Variants in TBX5 observed in about 807,000 individuals in gnomAD.
TBX5 encodes the protein T-box transcription factor 5, also known as T-box transcription factor TBX5.
TBX5 carries 8 observed loss-of-function variants against 51.1 expected under a neutral mutation model. The observed-to-expected ratio is 0.16, with a 90% confidence interval of 0.09 to 0.28. The LOEUF (loss-of-function observed/expected upper bound fraction) is 0.28. TBX5 is among the 10% of genes least tolerant of loss of function. The pLI is 1.00. For missense variants in TBX5, 589 were observed against 671.7 expected (o/e 0.88, Z 1.36); for synonymous variants, 302 against 266.4 (o/e 1.13, Z -1.30).
intron 6 of TBX5, 87 bp downstream of exon 6, chr12:114,394,654 G>C: frequency 6.3e-7 from 1 of 1,589,374 alleles, no homozygotes; most frequent in Non-Finnish European, 8.6e-7. Context: ...ATTCAGAGGA[G>C]CAAAGTTCCA....
chr12:114,399,387 C>G (rs1871647141), intron 4 of TBX5, 126 bp downstream of exon 4: 1 of 1,356,520 alleles, frequency 7.4e-7, no homozygotes, highest in Non-Finnish European at 1.0e-6. Flanking sequence ...GATAGGCGGA[C>G]AGACGCCTTT....
At chr12:114,367,061 C>T (rs1869578615) in intron 7 of TBX5, among the ~76,000 whole-genome samples, 1 of 151,920 alleles carries the variant, frequency 6.6e-6, no homozygotes, top group Non-Finnish European at 1.5e-5. Context: ...AATGAGTTAA[C>T]CATGAAAAGA....
intron 7 of TBX5, among the ~76,000 whole-genome samples, chr12:114,373,588 AG>A (rs1870036388): frequency 6.6e-6 from 1 of 152,130 alleles, no homozygotes; most frequent in African/African-American, 2.4e-5. Flanking sequence ...CCTCCCAAGT[AG>A]CTGGGACTGC....
intron 7 of TBX5, among the ~76,000 whole-genome samples, chr12:114,370,640 T>A (rs1302244236): frequency 1.3e-5 from 1 of 75,738 alleles, no homozygotes; most frequent in Non-Finnish European, 3.5e-5. Context: ...GATCTCTCCC[T>A]CTCTCTCTCT....
chr12:114,360,520 A>C (rs1170841554), intron 8 of TBX5, among the ~76,000 whole-genome samples: 2 of 142,830 alleles, frequency 1.4e-5, no homozygotes, highest in African/African-American at 5.3e-5. Flanking sequence ...GGGTGGGTTG[A>C]TGGATGAGTG....
intron 5 of TBX5, 71 bp downstream of exon 5, chr12:114,398,502 G>C: frequency 1.9e-6 from 3 of 1,570,842 alleles, no homozygotes; most frequent in Non-Finnish European, 2.6e-6. Flanking sequence ...AGAAGGGAGA[G>C]AAACCCAGTG....
At chr12:114,378,503 A>T (rs141580328) in intron 7 of TBX5, among the ~76,000 whole-genome samples, 1 of 152,204 alleles carries the variant, frequency 6.6e-6, no homozygotes, top group African/African-American at 2.4e-5. Context: ...TCTGGGCCAG[A>T]CACTGTGCTG....
chr12:114,403,676 C>A, intron 2 of TBX5, 76 bp downstream of exon 2: 1 of 1,579,194 alleles, frequency 6.3e-7, no homozygotes. Flanking sequence ...TCTGTCCCCG[C>A]AAGAGAAGCC....
intron 3 of TBX5, 129 bp from the exon 4 acceptor site, chr12:114,399,761 G>C: frequency 2.1e-6 from 3 of 1,439,040 alleles, no homozygotes; most frequent in Non-Finnish European, 2.9e-6. Context: ...GCCCCGTTCC[G>C]CTCTCCGCAA....
intron 5 of TBX5, among the ~76,000 whole-genome samples, chr12:114,398,026 C>T (rs1013106895): frequency 6.6e-6 from 1 of 152,188 alleles, no homozygotes; most frequent in Non-Finnish European, 1.5e-5. Flanking sequence ...ATATTTTCTG[C>T]AAGACTGAAA....
In TBX5 at chr12:114,370,288, GAAAGAAAAGAAAAGAAAAGAAAAGAAAGA is replaced by G. The variant is rs1869806784; in HGVS notation, c.756-3926_756-3898del. 3.3e-4 allele frequency among the ~76,000 whole-genome samples: 19 copies of G among 56,758 alleles called. 1 individual carries two copies. The highest frequency in any genetic ancestry group is 6.6e-4 in the Non-Finnish European group (15 of 22,628). The allele number at this position is 56,758 out of a possible 152,430, so 37.2% of individuals were successfully genotyped here. On this transcript the variant is annotated intron_variant, in intron 7 of 8. Coordinates refer to ENST00000405440, the MANE Select transcript of TBX5 (RefSeq NM_181486.4). Reference sequence around the variant, plus strand: ...GAAAAGAAAAGAAAAGAAAAGAAAAGAAAGAAAAGAAAAGAAAAGAAAAGAAAGAAAAGAAAAGAAAAGAGAAAAGAAAA... The same window carrying G: ...GAAAAGAAAAGAAAAGAAAAGAAAAGAAAGAAAAGAAAAGAGAAAAGAAAA...
At chr12:114,367,329 C>G (rs888839870) in intron 7 of TBX5, among the ~76,000 whole-genome samples, 1 of 152,050 alleles carries the variant, frequency 6.6e-6, no homozygotes, top group African/African-American at 2.4e-5. Context: ...CCATCCCTAT[C>G]CCTTACAGGC....
intron 7 of TBX5, among the ~76,000 whole-genome samples, chr12:114,371,407 T>C (rs1869894036): frequency 6.6e-6 from 1 of 152,058 alleles, no homozygotes; most frequent in Admixed American, 6.5e-5. Context: ...AATGACGCCA[T>C]TGTCGCTGGG....
chr12:114,355,539 T>A lies in TBX5; in HGVS notation c.1550A>T (p.Asn517Ile). Residue 517 changes from asparagine to isoleucine, a missense_variant, in exon 9 of 9, where the codon AAT becomes ATT. By Grantham distance (149) the Asn-to-Ile change is moderately radical. Transcript: ENST00000405440. ...GVGMVPEWSD[N>I]S ...TGTGAAGCAGGCCTCACTTTAGCTATTGTCGCTCCACTCTGGCACCATGCC... is the reference window on the plus strand; with the variant it reads ...TGTGAAGCAGGCCTCACTTTAGCTAATGTCGCTCCACTCTGGCACCATGCC... 2 of 1,614,130 alleles carry A rather than the reference T, an allele frequency of 1.2e-6. No homozygotes were observed. The highest frequency in any genetic ancestry group is 2.2e-5 in the South Asian group (2 of 91,046).
chr12:114,399,816 G>A (rs1433517922), intron 3 of TBX5, among the ~76,000 whole-genome samples, 184 bp from the exon 4 acceptor site: 1 of 152,202 alleles, frequency 6.6e-6, no homozygotes, highest in East Asian at 1.9e-4. Context: ...GGAGAAAGGC[G>A]AAGGGAGGAG....
chr12:114,365,721 T>C (rs1386996944), intron 8 of TBX5, among the ~76,000 whole-genome samples: 1 of 149,316 alleles, frequency 6.7e-6, no homozygotes, highest in East Asian at 2.0e-4. Context: ...TCCCAGCTAC[T>C]AGGGAGGCTG....
At chr12:114,383,524 A>C (rs1038027854) in intron 7 of TBX5, among the ~76,000 whole-genome samples, 1 of 152,164 alleles carries the variant, frequency 6.6e-6, no homozygotes, top group Non-Finnish European at 1.5e-5. Flanking sequence ...AGACTTGGAC[A>C]TGTTCTCCAC....
intron 6 of TBX5, among the ~76,000 whole-genome samples, chr12:114,386,945 TTA>T (rs200737007): frequency 0.14 from 5,815 of 42,130 alleles, 292 homozygotes; most frequent in African/African-American, 0.23. Context: ...AATACAAAAT[TTA>T]AAAAAAAAAA....
At chr12:114,399,434 A>C in intron 4 of TBX5, 79 bp downstream of exon 4, 3 of 1,592,560 alleles carry the variant, frequency 1.9e-6, no homozygotes, top group Admixed American at 3.4e-5. Flanking sequence ...AAAAAAGTTC[A>C]CTGATACAAC....
Sources: gnomAD v4.1 joint callset for allele counts (sites outside exome capture counted in the v4.1 genomes callset) on GRCh38, gnomAD v4.1.1 for gene constraint, MANE v1.5 for transcripts, NCBI Gene and HGNC (gene_info 2026-07-23, HGNC 2026-07-21) for gene names.